The following CSMD3 variants were observed in gnomAD, a reference collection of about 807,000 sequenced individuals.
The protein encoded by CSMD3 is CUB and sushi domain-containing protein 3.
In CSMD3, 177 loss-of-function variants were observed where a neutral mutation model predicts 435.2. The observed-to-expected ratio is 0.41, with a 90% CI of 0.36 to 0.46. CSMD3 has a LOEUF of 0.46. Ranked by LOEUF, CSMD3 falls within the 20% of genes least tolerant of loss-of-function variation. CSMD3 has a pLI of 0.34. For missense variants in CSMD3, 4,265 were observed against 4,504.6 expected (o/e 0.95, Z 1.52); for synonymous variants, 1,656 against 1,520.5 (o/e 1.09, Z -2.07).
At chr8:112,500,209 C>A (rs887829276) in intron 30 of CSMD3, among the ~76,000 whole-genome samples, 1 of 151,834 alleles carries the variant, frequency 6.6e-6, no homozygotes, top group East Asian at 1.9e-4. Flanking sequence ...AAAAGCAATA[C>A]TAATAAAAAT....
At chr8:113,256,873 A>G (rs970308917) in intron 3 of CSMD3, among the ~76,000 whole-genome samples, 1 of 152,194 alleles carries the variant, frequency 6.6e-6, no homozygotes, top group Non-Finnish European at 1.5e-5. Context: ...ATCATATTAG[A>G]TTACGTAGAA....
intron 11 of CSMD3, among the ~76,000 whole-genome samples, chr8:112,839,628 A>G (rs1001140228): frequency 1.3e-5 from 2 of 151,728 alleles, no homozygotes; most frequent in African/African-American, 4.8e-5. Context: ...AATATGTATG[A>G]GGCTAATTCA....
intron 57 of CSMD3, among the ~76,000 whole-genome samples, chr8:112,287,917 T>C (rs757785074): frequency 3.3e-5 from 5 of 152,070 alleles, no homozygotes; most frequent in Non-Finnish European, 7.4e-5. Flanking sequence ...TTGATTTTAG[T>C]GTTAAAGATT....
chr8:112,961,259 A>T (rs1195496238), intron 7 of CSMD3, among the ~76,000 whole-genome samples: 1 of 151,814 alleles, frequency 6.6e-6, no homozygotes, highest in Non-Finnish European at 1.5e-5. Flanking sequence ...CTATGTAGGG[A>T]TGATACACAA....
chr8:112,631,624 T>C (rs1355595444), intron 22 of CSMD3, among the ~76,000 whole-genome samples: 3 of 152,102 alleles, frequency 2.0e-5, no homozygotes, highest in South Asian at 2.1e-4. Flanking sequence ...CTTCATAAGG[T>C]TGTGAGCAAT....
At chr8:112,945,588 A>ATGTATG (rs1554725434) in intron 9 of CSMD3, among the ~76,000 whole-genome samples, 1 of 140,586 alleles carries the variant, frequency 7.1e-6, no homozygotes, top group African/African-American at 2.7e-5. Context: ...ATACAGAAAT[A>ATGTATG]TGTGTGTGTG....
At chr8:113,376,812 G>T (rs765653401) in intron 1 of CSMD3, 65 of 1,613,720 alleles carry the variant, frequency 4.0e-5, no homozygotes, top group Non-Finnish European at 5.2e-5. Flanking sequence ...GGGTTGTGCT[G>T]AAGAGGTTGT....
At chr8:113,401,104 T>A (rs1398943914) in intron 1 of CSMD3, among the ~76,000 whole-genome samples, 1 of 151,706 alleles carries the variant, frequency 6.6e-6, no homozygotes. Context: ...CATACAAACA[T>A]CCTGACATCT....
chr8:112,702,840 C>T (rs1022091727), intron 13 of CSMD3, among the ~76,000 whole-genome samples: 9 of 151,978 alleles, frequency 5.9e-5, no homozygotes, highest in African/African-American at 1.7e-4. Flanking sequence ...CACTCCATAC[C>T]GCTGTCCTCC....
intron 22 of CSMD3, among the ~76,000 whole-genome samples, chr8:112,621,511 C>T (rs1241009235): frequency 2.6e-5 from 4 of 152,102 alleles, no homozygotes; most frequent in Middle Eastern, 3.2e-3. Context: ...TTTTCTCAAT[C>T]TCCACTCTGA....
intron 4 of CSMD3, among the ~76,000 whole-genome samples, chr8:113,152,161 T>C (rs1424860686): frequency 6.6e-6 from 1 of 151,912 alleles, no homozygotes; most frequent in Non-Finnish European, 1.5e-5. Context: ...TGGGAAGGTT[T>C]TGGGGATACT....
At chr8:112,946,725 T>C (rs929312323) in intron 9 of CSMD3, among the ~76,000 whole-genome samples, 1 of 151,762 alleles carries the variant, frequency 6.6e-6, no homozygotes, top group Non-Finnish European at 1.5e-5. Flanking sequence ...TTTGAATTTC[T>C]CTTTAGTGTG....
intron 1 of CSMD3, among the ~76,000 whole-genome samples, chr8:113,428,591 A>C (rs1318838539): frequency 6.6e-6 from 1 of 151,846 alleles, no homozygotes; most frequent in Non-Finnish European, 1.5e-5. Flanking sequence ...AAAGGGAGAA[A>C]AGAACTGTTT....
chr8:113,073,461 G>A (rs372022713), intron 5 of CSMD3, among the ~76,000 whole-genome samples: 4 of 151,876 alleles, frequency 2.6e-5, no homozygotes, highest in African/African-American at 9.6e-5. Flanking sequence ...AGAACTCATG[G>A]TTTCCTATAA....
intron 3 of CSMD3, among the ~76,000 whole-genome samples, chr8:113,270,085 A>C (rs937053419): frequency 1.3e-5 from 2 of 152,098 alleles, no homozygotes; most frequent in Non-Finnish European, 2.9e-5. Flanking sequence ...GCTAATATCC[A>C]GAATCTACAA....
At chr8:113,272,012 G>A (rs1369153998) in intron 3 of CSMD3, among the ~76,000 whole-genome samples, 1 of 152,094 alleles carries the variant, frequency 6.6e-6, no homozygotes, top group Non-Finnish European at 1.5e-5. Context: ...AGACTTGCAT[G>A]GGCCTTGTAA....
chr8:112,454,180 T>G (rs1282154100), intron 32 of CSMD3, among the ~76,000 whole-genome samples: 1 of 152,182 alleles, frequency 6.6e-6, no homozygotes, highest in Non-Finnish European at 1.5e-5. Context: ...ATTCTGGACA[T>G]CGGCCTTAGC....
In CSMD3 at chr8:113,083,632, G is replaced by C. The variant is rs569946177; in HGVS notation, c.917+15124C>G. On this transcript the variant is annotated intron_variant, in intron 5 of 70. Transcript: ENST00000297405. ...AAAAATATAAATAGTAAGAGAGGAA[G>C]AAACAAATAATATACAAAACAATAA... Among the ~76,000 whole-genome samples, 119 of 151,874 alleles carry C rather than the reference G, an allele frequency of 7.8e-4. 1 individual carries two copies. Among genetic ancestry groups the C allele is most frequent in the African/African-American group, 2.8e-3 (115 of 41,414 alleles).
chr8:112,401,101 T>C (rs530329284), intron 35 of CSMD3, among the ~76,000 whole-genome samples: 9 of 152,064 alleles, frequency 5.9e-5, no homozygotes, highest in African/African-American at 2.2e-4. Flanking sequence ...CCTAGCTGCT[T>C]GGGAGGCTGA....
Sources: allele counts gnomAD v4.1 joint callset (sites outside exome capture counted in the v4.1 genomes callset), GRCh38; gene constraint gnomAD v4.1.1; transcripts MANE v1.5; gene names NCBI Gene and HGNC (gene_info 2026-07-23, HGNC 2026-07-21).